SCEL: variants seen among roughly 807,000 people sequenced by gnomAD.
SCEL encodes sciellin.
Under a neutral mutation model 117.6 loss-of-function variants are expected in SCEL, and 113 were observed. That is an observed-to-expected ratio of 0.96 (90% confidence interval 0.83 to 1.12). The LOEUF (loss-of-function observed/expected upper bound fraction) is 1.12, where lower values mean the gene tolerates loss of function less well. Ranked by LOEUF, SCEL falls within the 50% of genes most tolerant of loss-of-function variation. The pLI, the probability that SCEL is intolerant of heterozygous loss-of-function variation, is 0.00. For synonymous variants in SCEL, 270 were observed against 256.2 expected, an observed-to-expected ratio of 1.05 and a Z score of -0.51; for missense variants, 785 against 810.8, an observed-to-expected ratio of 0.97 and a Z score of 0.39.
intron 9 of SCEL, among the ~76,000 whole-genome samples, chr13:77,582,682 C>G (rs948993291): frequency 2.0e-5 from 3 of 152,068 alleles, no homozygotes; most frequent in Non-Finnish European, 4.4e-5. Flanking sequence ...TTTTTCAATT[C>G]TCTTAACGAT....
intron 4 of SCEL, among the ~76,000 whole-genome samples, chr13:77,562,457 C>A (rs1296146423): frequency 6.6e-6 from 1 of 152,176 alleles, no homozygotes; most frequent in Non-Finnish European, 1.5e-5. Context: ...GCTGTTCCCT[C>A]TACCTCTATT....
chr13:77,637,226 G>C (rs767274832), intron 30 of SCEL, 32 bp downstream of exon 30: 14 of 1,115,998 alleles, frequency 1.3e-5, no homozygotes, highest in Non-Finnish European at 1.8e-5. Context: ...TACATAAAAA[G>C]TACACACATA....
At chr13:77,556,113 A>T (rs970305402) in intron 2 of SCEL, among the ~76,000 whole-genome samples, 195 bp downstream of exon 2, 19 of 152,268 alleles carry the variant, frequency 1.2e-4, no homozygotes, top group African/African-American at 3.4e-4. Context: ...CAATTTTTTT[A>T]AAATTAATAA....
chr13:77,597,729 A>C (rs1005609362), intron 13 of SCEL, 140 bp downstream of exon 13: 38 of 480,040 alleles, frequency 7.9e-5, no homozygotes, highest in Non-Finnish European at 1.3e-4. Flanking sequence ...GCTTGCAGCA[A>C]TCATCATCAT....
intron 26 of SCEL, 48 bp downstream of exon 26, chr13:77,617,910 GGA>G: frequency 6.4e-7 from 1 of 1,572,814 alleles, no homozygotes; most frequent in African/African-American, 1.4e-5. Flanking sequence ...CTGTTGCCCT[GGA>G]TGAAGTGGAT....
intron 9 of SCEL, among the ~76,000 whole-genome samples, chr13:77,573,457 T>C (rs1275072459): frequency 6.6e-6 from 1 of 152,222 alleles, no homozygotes; most frequent in Non-Finnish European, 1.5e-5. Flanking sequence ...GATTGGTTTA[T>C]TTTATAGAAT....
At chr13:77,605,675 A>G (rs2088107317) in intron 19 of SCEL, among the ~76,000 whole-genome samples, 1 of 152,208 alleles carries the variant, frequency 6.6e-6, no homozygotes, top group Non-Finnish European at 1.5e-5. Context: ...TCCACTTGCC[A>G]AGAAAAATCC....
chr13:77,573,724 C>T (rs1430132852), intron 9 of SCEL, among the ~76,000 whole-genome samples: 1 of 152,010 alleles, frequency 6.6e-6, no homozygotes, highest in African/African-American at 2.4e-5. Flanking sequence ...GTCTGTCTAC[C>T]TATCTATAAC....
intron 1 of SCEL, among the ~76,000 whole-genome samples, chr13:77,545,962 C>G (rs1037687157): frequency 6.6e-6 from 1 of 152,218 alleles, no homozygotes; most frequent in Non-Finnish European, 1.5e-5. Context: ...CTATTATCAC[C>G]TGTAAATAGA....
chr13:77,560,428 C>A (rs964738596), intron 4 of SCEL, among the ~76,000 whole-genome samples: 2 of 152,074 alleles, frequency 1.3e-5, no homozygotes, highest in African/African-American at 2.4e-5. Flanking sequence ...CGGAAGAAGA[C>A]CCTGTTTCTC....
At position 77,603,153 on chromosome 13, in the gene SCEL, CT is replaced by C. The variant is rs1567405780; in HGVS notation, c.1097+21del. 2.1e-6 allele frequency: 3 copies of C among 1,434,802 alleles called. No homozygotes were observed. The highest frequency in any genetic ancestry group is 2.9e-6 in the Non-Finnish European group (3 of 1,045,588). 88.9% of individuals were successfully genotyped at this position (1,434,802 alleles called of 1,614,324 possible). A position where few individuals can be genotyped will look rare whatever the true frequency, so the allele number is the denominator to read the frequency against. On this transcript the variant is annotated intron_variant, in intron 18 of 32. Transcript: ENST00000349847. Reference sequence around the variant, plus strand: ...ACCACTGGGTAAAAATAATTAATGTCTTTAATTATGGTTTCTGTTAAGTGTC... The same window carrying C: ...ACCACTGGGTAAAAATAATTAATGTCTTAATTATGGTTTCTGTTAAGTGTC...
Position 77,602,067 on chromosome 13 carries a change from T to G in SCEL, c.920T>G (p.Ile307Ser). Reference sequence around the variant, plus strand: ...TCTTTTCCCCCAATGTTGTAAAGAATCCAAAGCCTTGGAAGTCCGATTAAA... The same window carrying G: ...TCTTTTCCCCCAATGTTGTAAAGAAGCCAAAGCCTTGGAAGTCCGATTAAA... ...STRTDKDGKG[I>S]QSLGSPIKVN... Residue 307 changes from isoleucine to serine, a missense_variant and splice_region_variant, in exon 16 of 33, where the codon ATC becomes AGC. Ile to Ser is a moderately radical substitution (Grantham distance 142, BLOSUM62 -2). Coordinates refer to ENST00000349847, the MANE Select transcript of SCEL (RefSeq NM_144777.3). The G allele has an allele frequency of 6.2e-7, 1 of 1,609,062 alleles. No homozygotes were observed. The highest frequency in any genetic ancestry group is 1.8e-4 in the Middle Eastern group (1 of 5,642).
chr13:77,598,949 T>C (rs894861045), intron 13 of SCEL, among the ~76,000 whole-genome samples: 1 of 152,208 alleles, frequency 6.6e-6, no homozygotes, highest in Middle Eastern at 3.2e-3. Flanking sequence ...CCCAAAGTAC[T>C]GGGATTACAG....
chr13:77,549,123 T>C (rs886625825), intron 1 of SCEL, among the ~76,000 whole-genome samples: 8 of 152,228 alleles, frequency 5.3e-5, no homozygotes, highest in African/African-American at 1.9e-4. Flanking sequence ...TTTAGTTTTT[T>C]GAGAAATGTT....
intron 22 of SCEL, 52 bp from the exon 23 acceptor site, chr13:77,612,839 C>A: frequency 1.9e-6 from 2 of 1,065,598 alleles, no homozygotes; most frequent in Admixed American, 2.5e-5. Context: ...AAAAAATATA[C>A]AAATTATTGG....
At chr13:77,581,746 C>T (rs750497214) in intron 9 of SCEL, among the ~76,000 whole-genome samples, 13 of 152,146 alleles carry the variant, frequency 8.5e-5, no homozygotes, top group South Asian at 4.1e-4. Context: ...GAAGTTCTAT[C>T]GACTAGAGAT....
At chr13:77,619,611 A>G (rs1249817758) in intron 27 of SCEL, among the ~76,000 whole-genome samples, 1 of 152,124 alleles carries the variant, frequency 6.6e-6, no homozygotes, top group Admixed American at 6.6e-5. Flanking sequence ...GACAGTGAGG[A>G]AAGAAAACAC....
Position 77,597,723 on chromosome 13 carries a change from G to A in SCEL, c.797+134G>A, listed in dbSNP as rs530407416. ...TCCTACAAATCTTGAATAAAAGCTT[G>A]CAGCAATCATCATCATTTCATTGTT... is the stretch of plus-strand genomic sequence containing the variant. On this transcript the variant is annotated intron_variant, in intron 13 of 32. Transcript: ENST00000349847. The A allele has an allele frequency of 8.3e-6, 4 of 483,290 alleles. No individual in the cohort carries two copies. In the South Asian group the frequency reaches 9.5e-5, roughly 11 times the overall value. The allele number at this position is 483,290 out of a possible 1,614,324, so 29.9% of individuals were successfully genotyped here. A position where few individuals can be genotyped will look rare whatever the true frequency, so the allele number is the denominator to read the frequency against.
intron 9 of SCEL, 24 bp from the exon 10 acceptor site, chr13:77,589,120 G>T: frequency 6.5e-7 from 1 of 1,549,582 alleles, no homozygotes; most frequent in South Asian, 1.1e-5. Flanking sequence ...ATGGTGAAAT[G>T]AACTGCTGTT....
Sources: allele counts gnomAD v4.1 joint callset (sites outside exome capture counted in the v4.1 genomes callset), GRCh38; gene constraint gnomAD v4.1.1; transcripts MANE v1.5; gene names NCBI Gene and HGNC (gene_info 2026-07-23, HGNC 2026-07-21).